The following PTPRS variants were observed in gnomAD, a reference collection of about 807,000 sequenced individuals.
The protein encoded by PTPRS is protein tyrosine phosphatase receptor type S, also known as receptor-type tyrosine-protein phosphatase S.
A neutral mutation model predicts 215.3 loss-of-function variants in PTPRS; 63 were observed. The ratio of observed to expected loss-of-function variants is 0.29; its 90% CI spans 0.24 to 0.36. PTPRS has a LOEUF of 0.36. Among genes scored for constraint, PTPRS ranks in the 10% least tolerant of loss-of-function variants. The pLI is 1.00. For synonymous variants in PTPRS, 1,404 were observed against 1,191.4 expected (o/e 1.18, Z -3.68); for missense variants, 2,258 against 2,825.8 (o/e 0.80, Z 4.56).
At chr19:5,308,846 T>G (rs2049591099) in intron 1 of PTPRS, among the ~76,000 whole-genome samples, 1 of 152,172 alleles carries the variant, frequency 6.6e-6, no homozygotes, top group Admixed American at 6.5e-5. Flanking sequence ...GCGCAAGTGG[T>G]TCTTGGCCCG....
In PTPRS at chr19:5,243,815, A is replaced by C. The variant is rs564761364; in HGVS notation, c.1570+86T>G. The C allele has an allele frequency of 6.2e-5, 77 of 1,239,784 alleles. 1 individual carries two copies. The highest frequency in any genetic ancestry group is 5.3e-4 in the Admixed American group (18 of 34,172). The allele number at this position is 1,239,784 out of a possible 1,614,324, so 76.8% of individuals were successfully genotyped here. A position where few individuals can be genotyped will look rare whatever the true frequency, so the allele number is the denominator to read the frequency against. ...TATCTTAAAGCACCGTGCATAACCCACAAACCGCTCTGCGGCTTCCAGGGA... is the reference window on the plus strand; with the variant it reads ...TATCTTAAAGCACCGTGCATAACCCCCAAACCGCTCTGCGGCTTCCAGGGA... On this transcript the variant is annotated intron_variant, in intron 11 of 37. Transcript: ENST00000262963.
rs1471665109 is a variant in PTPRS, at chr19:5,220,119, G to A, written c.3585C>T (p.Ser1195=). The change falls in exon 22 of 38, where the codon AGC becomes AGT. Residue 1195 remains serine (S), a synonymous_variant. Coordinates refer to ENST00000262963, the MANE Select transcript of PTPRS (RefSeq NM_002850.4). ...IQDISRLQRR[S]LRHSRQLEVP... is the part of the protein sequence containing the mutation. Reference sequence around the variant, plus strand: ...CCTCCAGCTGACGCGAGTGCCGCAGGCTGCGCCTCTGTAGCCGTGAGATGT... The same window carrying A: ...CCTCCAGCTGACGCGAGTGCCGCAGACTGCGCCTCTGTAGCCGTGAGATGT... 6.2e-7 allele frequency: 1 copy of A among 1,613,072 alleles called. No homozygotes were observed.
intron 1 of PTPRS, among the ~76,000 whole-genome samples, chr19:5,324,610 TGCAGCCCTGCCACAAAGCGTGGGGTCA>T (rs1312224867): frequency 6.6e-6 from 1 of 152,188 alleles, no homozygotes; most frequent in Non-Finnish European, 1.5e-5. Flanking sequence ...TGTGTCAGGA[TGCAGCCCTGCCACAAAGCGTGGGGTCA>T]GCCCAATCCT....
At chr19:5,296,527 C>T (rs2049138393) in intron 1 of PTPRS, among the ~76,000 whole-genome samples, 2 of 151,888 alleles carry the variant, frequency 1.3e-5, no homozygotes, top group South Asian at 2.1e-4. Context: ...AAAATAAACA[C>T]AGGATAGGAG....
chr19:5,219,619 C>T, intron 22 of PTPRS, 152 bp from the exon 23 acceptor site: 1 of 993,176 alleles, frequency 1.0e-6, no homozygotes. Context: ...TGACCTGGTC[C>T]CTGCCAATCT....
intron 4 of PTPRS, among the ~76,000 whole-genome samples, chr19:5,271,393 T>A (rs974154524): frequency 4.1e-5 from 4 of 96,628 alleles, no homozygotes. Flanking sequence ...TATTACCCGA[T>A]TTTTTTTTTT....
chr19:5,261,019 G>A lies in PTPRS; in HGVS notation c.578-197C>T, dbSNP rs75147586. On this transcript the variant is annotated intron_variant, in intron 6 of 37. Coordinates refer to ENST00000262963, the MANE Select transcript of PTPRS (RefSeq NM_002850.4). ...AGGAGAGGCCTCCTAGGAGCAGGGT[G>A]AGGTCTGAGGGCTTGTCAAAGCAGG... 6.6e-5 allele frequency among the ~76,000 whole-genome samples: 10 copies of A among 152,234 alleles called. No homozygotes were observed. The East Asian group carries it at 1.7e-3, about 27-fold the overall frequency.
At chr19:5,316,289 G>A (rs1375769930) in intron 1 of PTPRS, among the ~76,000 whole-genome samples, 1 of 152,230 alleles carries the variant, frequency 6.6e-6, no homozygotes, top group Non-Finnish European at 1.5e-5. Flanking sequence ...AATGGAAAAT[G>A]TAAGTCAAAT....
chr19:5,324,406 G>A (rs1342220014), intron 1 of PTPRS, among the ~76,000 whole-genome samples: 2 of 152,136 alleles, frequency 1.3e-5, no homozygotes, highest in African/African-American at 2.4e-5. Flanking sequence ...GCAGGACCCA[G>A]GAGAAGACAG....
intron 18 of PTPRS, among the ~76,000 whole-genome samples, chr19:5,222,447 T>TGGAGGAGGAGGAAGAGGGGGGAGG (rs2042067403): frequency 4.3e-5 from 1 of 23,416 alleles, no homozygotes; most frequent in Non-Finnish European, 8.0e-5. Flanking sequence ...AGAAAGAAGG[T>TGGAGGAGGAGGAAGAGGGGGGAGG]GGAGGAGGAG....
At chr19:5,243,490 G>GT (rs1378028964) in intron 11 of PTPRS, among the ~76,000 whole-genome samples, 1 of 151,452 alleles carries the variant, frequency 6.6e-6, no homozygotes. Context: ...TTTTTTAATT[G>GT]TTTTTTTGAG....
At chr19:5,314,785 T>TC (rs1369198486) in intron 1 of PTPRS, among the ~76,000 whole-genome samples, 3 of 98,592 alleles carry the variant, frequency 3.0e-5, no homozygotes, top group Non-Finnish European at 6.4e-5. Flanking sequence ...GAGCTGAAGA[T>TC]TCGAGACATC....
intron 1 of PTPRS, among the ~76,000 whole-genome samples, chr19:5,331,878 C>T (rs766663935): frequency 5.3e-5 from 8 of 152,186 alleles, no homozygotes; most frequent in Admixed American, 1.3e-4. Flanking sequence ...CGAGCGCGGA[C>T]GCTGGCCCAG....
chr19:5,208,911 T>C (rs1020707932), intron 35 of PTPRS, among the ~76,000 whole-genome samples: 2 of 152,160 alleles, frequency 1.3e-5, no homozygotes, highest in Admixed American at 6.6e-5. Flanking sequence ...CTCTGTGCCA[T>C]TTCGGGGCCC....
At chr19:5,259,417 A>G (rs1426164239) in intron 7 of PTPRS, among the ~76,000 whole-genome samples, 1 of 152,204 alleles carries the variant, frequency 6.6e-6, no homozygotes, top group Non-Finnish European at 1.5e-5. Flanking sequence ...TTCCCCAAAG[A>G]TATCTGAAAC....
chr19:5,209,082 C>G (rs898990401), intron 35 of PTPRS, among the ~76,000 whole-genome samples: 1 of 152,108 alleles, frequency 6.6e-6, no homozygotes, highest in African/African-American at 2.4e-5. Context: ...TGGTAACTCA[C>G]TACCTTCTGC....
At chr19:5,221,421 T>C (rs1325487620) in intron 19 of PTPRS, among the ~76,000 whole-genome samples, 168 bp from the exon 20 acceptor site, 1 of 151,556 alleles carries the variant, frequency 6.6e-6, no homozygotes, top group Non-Finnish European at 1.5e-5. Context: ...AGTCCCCAAC[T>C]CTGACTGAGC....
chr19:5,336,906 G>A (rs1162737836), intron 1 of PTPRS, among the ~76,000 whole-genome samples: 7 of 152,146 alleles, frequency 4.6e-5, no homozygotes, highest in Non-Finnish European at 8.8e-5. Context: ...TGCCCGAGAA[G>A]GGTTCTCATC....
chr19:5,239,880 G>A (rs1000574097), intron 12 of PTPRS, among the ~76,000 whole-genome samples: 1 of 152,146 alleles, frequency 6.6e-6, no homozygotes, highest in Non-Finnish European at 1.5e-5. Context: ...CCGGAGGGAT[G>A]GAGAGTGAGC....
Sources: allele counts gnomAD v4.1 joint callset (sites outside exome capture counted in the v4.1 genomes callset), GRCh38; gene constraint gnomAD v4.1.1; transcripts MANE v1.5; gene names NCBI Gene and HGNC (gene_info 2026-07-23, HGNC 2026-07-21).